Variants in GNAQ observed in about 807,000 individuals in gnomAD.
The protein encoded by GNAQ is guanine nucleotide-binding protein G(q) subunit alpha.
A neutral mutation model predicts 43.9 loss-of-function variants in GNAQ; 8 were observed. The observed-to-expected ratio is 0.18, with a 90% CI of 0.11 to 0.33. The LOEUF (loss-of-function observed/expected upper bound fraction) is 0.33, where lower values mean the gene tolerates loss of function less well. Among genes scored for constraint, GNAQ ranks in the 10% least tolerant of loss-of-function variants. GNAQ has a pLI of 1.00. For synonymous variants in GNAQ, 155 were observed against 170.7 expected, an observed-to-expected ratio of 0.91 and a Z score of 0.71; for missense variants, 158 against 450.8, an observed-to-expected ratio of 0.35 and a Z score of 5.88.
chr9:77,739,899 T>C (rs768768739), intron 5 of GNAQ, among the ~76,000 whole-genome samples: 3 of 152,198 alleles, frequency 2.0e-5, no homozygotes, highest in Admixed American at 2.0e-4. Context: ...CAGGCTTAGA[T>C]GACACAACTG....
chr9:77,987,733 A>C (rs533431788), intron 1 of GNAQ, among the ~76,000 whole-genome samples: 26 of 152,292 alleles, frequency 1.7e-4, no homozygotes, highest in South Asian at 1.0e-3. Context: ...TGTACAGTAC[A>C]TAAAATATGG....
intron 2 of GNAQ, among the ~76,000 whole-genome samples, chr9:77,874,314 G>T (rs1828095494): frequency 6.6e-6 from 1 of 152,036 alleles, no homozygotes; most frequent in South Asian, 2.1e-4. Context: ...TGTCTTCTAT[G>T]AAACCTCCTA....
intron 6 of GNAQ, among the ~76,000 whole-genome samples, chr9:77,728,152 G>C (rs916851599): frequency 6.6e-6 from 1 of 151,874 alleles, no homozygotes; most frequent in Admixed American, 6.6e-5. Context: ...CTGCCACCAC[G>C]CCCAGCTAAT....
chr9:77,921,799 C>A (rs1434325308), intron 2 of GNAQ, among the ~76,000 whole-genome samples: 1 of 152,264 alleles, frequency 6.6e-6, no homozygotes, highest in South Asian at 2.1e-4. Context: ...AAGGCCACCA[C>A]CTCTTTGAAA....
At chr9:78,019,850 G>A (rs1222479478) in intron 1 of GNAQ, among the ~76,000 whole-genome samples, 5 of 151,254 alleles carry the variant, frequency 3.3e-5, no homozygotes, top group Non-Finnish European at 7.4e-5. Flanking sequence ...CTTGAACCTG[G>A]GAGGCAGAGG....
intron 1 of GNAQ, among the ~76,000 whole-genome samples, chr9:77,967,324 C>T (rs541909775): frequency 6.6e-5 from 10 of 152,260 alleles, no homozygotes; most frequent in African/African-American, 2.4e-4. Flanking sequence ...AAATCACCTG[C>T]ACAACTATTA....
chr9:77,825,512 A>C (rs1827180372), intron 2 of GNAQ, among the ~76,000 whole-genome samples: 1 of 152,172 alleles, frequency 6.6e-6, no homozygotes, highest in Admixed American at 6.5e-5. Flanking sequence ...ACCATCTTTC[A>C]GACTGGAAGA....
At chr9:77,919,256 G>A (rs1171295933) in intron 2 of GNAQ, among the ~76,000 whole-genome samples, 1 of 152,082 alleles carries the variant, frequency 6.6e-6, no homozygotes, top group Non-Finnish European at 1.5e-5. Context: ...TGTATTTTTT[G>A]AGCACTTACT....
intron 2 of GNAQ, among the ~76,000 whole-genome samples, chr9:77,849,195 G>A (rs1827633438): frequency 6.6e-6 from 1 of 152,122 alleles, no homozygotes; most frequent in South Asian, 2.1e-4. Flanking sequence ...CCGTGGAAGA[G>A]GATAACTGAT....
At chr9:77,935,216 C>T (rs1829213350) in intron 1 of GNAQ, among the ~76,000 whole-genome samples, 1 of 152,090 alleles carries the variant, frequency 6.6e-6, no homozygotes, top group Non-Finnish European at 1.5e-5. Flanking sequence ...ACAAGCAAGC[C>T]AAACCTCTGC....
intron 2 of GNAQ, among the ~76,000 whole-genome samples, chr9:77,881,205 A>C (rs528883762): frequency 8.5e-5 from 13 of 152,232 alleles, no homozygotes; most frequent in African/African-American, 3.1e-4. Context: ...ACCCCCCCCA[A>C]AACGGGCAAT....
intron 2 of GNAQ, among the ~76,000 whole-genome samples, chr9:77,885,324 A>C (rs1012651061): frequency 2.0e-5 from 3 of 152,218 alleles, no homozygotes; most frequent in Non-Finnish European, 4.4e-5. Flanking sequence ...CAGCCAGGTG[A>C]AAATGAGGAT....
chr9:77,796,026 A>G (rs926329518), intron 4 of GNAQ, among the ~76,000 whole-genome samples: 1 of 152,252 alleles, frequency 6.6e-6, no homozygotes, highest in African/African-American at 2.4e-5. Context: ...ACATGGAGGA[A>G]GGAAATCTGG....
intron 5 of GNAQ, among the ~76,000 whole-genome samples, chr9:77,759,446 C>A (rs1015788917): frequency 2.0e-5 from 3 of 152,032 alleles, no homozygotes; most frequent in Non-Finnish European, 4.4e-5. Context: ...ATGGGATAAT[C>A]CTTTGCCAAG....
chr9:77,952,282 C>T (rs536755601), intron 1 of GNAQ, among the ~76,000 whole-genome samples: 96 of 152,202 alleles, frequency 6.3e-4, no homozygotes, highest in Non-Finnish European at 1.2e-3. Context: ...TGGAATATGA[C>T]CCAACAGTTC....
intron 2 of GNAQ, among the ~76,000 whole-genome samples, chr9:77,883,497 T>C (rs1828249738): frequency 6.6e-6 from 1 of 151,454 alleles, no homozygotes; most frequent in South Asian, 2.1e-4. Flanking sequence ...TTCTGTGTTG[T>C]TGTTGTTTTA....
intron 5 of GNAQ, among the ~76,000 whole-genome samples, chr9:77,743,719 G>A (rs979354): frequency 0.81 from 122,814 of 152,008 alleles, 49,815 homozygotes; most frequent in Admixed American, 0.87. Context: ...GAGGTTTTGT[G>A]AGTTTATAAG....
chr9:77,860,070 C>T (rs1043565418), intron 2 of GNAQ, among the ~76,000 whole-genome samples: 2 of 152,156 alleles, frequency 1.3e-5, no homozygotes, highest in African/African-American at 2.4e-5. Flanking sequence ...AGGCGTCTAA[C>T]GTCTCCATTT....
rs1280353245 is a variant in GNAQ at position 78,031,275 on chromosome 9, C to T, written c.-40G>A. The T allele has an allele frequency of 9.0e-6, 13 of 1,439,890 alleles. No individual in the cohort carries two copies. Among genetic ancestry groups the T allele is most frequent in the Non-Finnish European group, 1.2e-5 (13 of 1,079,858 alleles). 89.2% of individuals were successfully genotyped at this position (1,439,890 alleles called of 1,614,324 possible). A position where few individuals can be genotyped will look rare whatever the true frequency, so the allele number is the denominator to read the frequency against. On this transcript the variant is annotated 5_prime_UTR_variant, in exon 1 of 7. Transcript: ENST00000286548. ...TCCGCTGCAGCCCCGCCGGCACCCC[C>T]TGCTCACAGCGCGCACACACACCCT...
Sources: allele counts gnomAD v4.1 joint callset (sites outside exome capture counted in the v4.1 genomes callset), GRCh38; gene constraint gnomAD v4.1.1; transcripts MANE v1.5; gene names NCBI Gene and HGNC (gene_info 2026-07-23, HGNC 2026-07-21).